The following PLA2G7 variants were observed in gnomAD, a reference collection of about 807,000 sequenced individuals.
PLA2G7 encodes the protein phospholipase A2 group VII, also known as platelet-activating factor acetylhydrolase.
PLA2G7 carries 63 observed loss-of-function variants against 49.6 expected under a neutral mutation model. The ratio of observed to expected loss-of-function variants is 1.27; its 90% CI spans 1.04 to 1.57. PLA2G7 has a LOEUF of 1.57. Among genes scored for constraint, PLA2G7 ranks in the 40% most tolerant of loss-of-function variants. The pLI, the probability that PLA2G7 is intolerant of heterozygous loss-of-function variation, is 0.00. For missense variants in PLA2G7, 596 were observed against 521.2 expected (o/e 1.14, Z -1.40); for synonymous variants, 193 against 169.9 (o/e 1.14, Z -1.06).
At chr6:46,717,959 G>A (rs907282266) in intron 2 of PLA2G7, among the ~76,000 whole-genome samples, 5 of 151,976 alleles carry the variant, frequency 3.3e-5, no homozygotes, top group Admixed American at 1.3e-4. Flanking sequence ...CTCGTGATCC[G>A]CCCACCTCAG....
chr6:46,721,582 G>A (rs1765403876), intron 2 of PLA2G7, among the ~76,000 whole-genome samples: 1 of 150,294 alleles, frequency 6.7e-6, no homozygotes, highest in African/African-American at 2.5e-5. Context: ...GATATTACCT[G>A]TTCTCAATCC....
intron 2 of PLA2G7, among the ~76,000 whole-genome samples, chr6:46,717,819 C>A (rs1273623300): frequency 1.3e-5 from 2 of 148,696 alleles, no homozygotes; most frequent in Non-Finnish European, 3.0e-5. Flanking sequence ...TCAAGTGATT[C>A]TCCTGCCTCA....
upstream of PLA2G7, chr6:46,735,378 C>T (rs1765895985): frequency 6.6e-6 from 1 of 152,628 alleles, no homozygotes; most frequent in African/African-American, 2.4e-5. Context: ...CGGGCTGTGT[C>T]CTGGGTCCGC....
intron 8 of PLA2G7, among the ~76,000 whole-genome samples, chr6:46,709,692 A>G (rs1274749066): frequency 6.6e-6 from 1 of 152,224 alleles, no homozygotes; most frequent in Non-Finnish European, 1.5e-5. Context: ...TGGAAACTTC[A>G]ACATCAGTTC....
In PLA2G7 at chr6:46,704,362, T is replaced by A. The variant is rs1764710637; in HGVS notation, c.*198A>T. The A allele has an allele frequency of 1.7e-6, 1 of 571,808 alleles. No individual in the cohort carries two copies. Among genetic ancestry groups the A allele is most frequent in the Non-Finnish European group, 3.1e-6 (1 of 320,802 alleles). The allele number at this position is 571,808 out of a possible 1,614,324, so 35.4% of individuals were successfully genotyped here. On this transcript the variant is annotated 3_prime_UTR_variant, in exon 12 of 12. Coordinates refer to ENST00000274793, the MANE Select transcript of PLA2G7 (RefSeq NM_005084.4). ...TTTCTTTACATCTAAAGGGAAAAAATTCTTAGTCCAAGCTTCAATCACGAT... is the reference window on the plus strand; with the variant it reads ...TTTCTTTACATCTAAAGGGAAAAAAATCTTAGTCCAAGCTTCAATCACGAT...
At chr6:46,717,333 C>T (rs1221713106) in intron 2 of PLA2G7, among the ~76,000 whole-genome samples, 2 of 152,166 alleles carry the variant, frequency 1.3e-5, no homozygotes, top group East Asian at 3.9e-4. Context: ...CTGCCTTGGA[C>T]TGTTACCTCC....
rs1208003670 is a variant in PLA2G7, at chr6:46,711,462, G to C, written c.663+34C>G. 6 of 1,611,466 alleles carry C rather than the reference G, an allele frequency of 3.7e-6. No individual in the cohort carries two copies. In the African/African-American group the frequency reaches 6.7e-5, roughly 18 times the overall value. On this transcript the variant is annotated intron_variant, in intron 7 of 11. Coordinates refer to ENST00000274793, the MANE Select transcript of PLA2G7 (RefSeq NM_005084.4). ...GTCATCCTTTTGTACATGCTTTTAG[G>C]TCACCAACCACCTCTCCTTTCACTG...
intron 1 of PLA2G7, among the ~76,000 whole-genome samples, chr6:46,733,132 T>C (rs1765786159): frequency 6.6e-6 from 1 of 152,182 alleles, no homozygotes; most frequent in Non-Finnish European, 1.5e-5. Context: ...GCTGCTCAGG[T>C]ACCCAGTTAG....
intron 3 of PLA2G7, 60 bp downstream of exon 3, chr6:46,716,915 G>A: frequency 6.5e-7 from 1 of 1,538,110 alleles, no homozygotes; most frequent in Non-Finnish European, 9.0e-7. Context: ...ACCTTCTAGT[G>A]GTCCATAGCG....
intron 2 of PLA2G7, among the ~76,000 whole-genome samples, chr6:46,720,992 A>G (rs2216463): frequency 0.71 from 108,677 of 152,088 alleles, 39,185 homozygotes; most frequent in Admixed American, 0.78. Context: ...TATTATTTTA[A>G]TCTTATTTAA....
chr6:46,734,415 TGAGAGAGAGAGAGAGA>T (rs70996386), intron 1 of PLA2G7, among the ~76,000 whole-genome samples: 1,040 of 54,200 alleles, frequency 0.019, 146 homozygotes, highest in South Asian at 0.047. Context: ...TGTGTGTGTG[TGAGAGAGAGAGAGAGA>T]GAGAGAGAGA....
chr6:46,723,724 T>C (rs1765478552), intron 1 of PLA2G7, among the ~76,000 whole-genome samples: 1 of 152,130 alleles, frequency 6.6e-6, no homozygotes. Flanking sequence ...TGCCATCACC[T>C]CTAACGAGTC....
intron 3 of PLA2G7, 30 bp downstream of exon 3, chr6:46,716,945 C>T: frequency 6.2e-7 from 1 of 1,605,440 alleles, no homozygotes; most frequent in South Asian, 1.1e-5. Flanking sequence ...ATTAGAGTAT[C>T]AGGATAAGTT....
chr6:46,722,499 G>A (rs1447632520), intron 2 of PLA2G7, among the ~76,000 whole-genome samples: 1 of 152,162 alleles, frequency 6.6e-6, no homozygotes, highest in Non-Finnish European at 1.5e-5. Flanking sequence ...GTGGCATTAA[G>A]GAGGTTCTCC....
intron 1 of PLA2G7, among the ~76,000 whole-genome samples, chr6:46,733,830 T>C (rs2150717285): frequency 6.6e-6 from 1 of 152,296 alleles, no homozygotes; most frequent in South Asian, 2.1e-4. Flanking sequence ...CTCTTGGGAT[T>C]GCCAACACCT....
rs371692865 is a variant in PLA2G7, at chr6:46,734,401, G to GGTGTGTGTGT, written c.-35+769_-35+778dup. Among the ~76,000 whole-genome samples, 159 of 75,386 alleles carry GGTGTGTGTGT rather than the reference G, an allele frequency of 2.1e-3. 8 individuals are homozygous for GGTGTGTGTGT. The highest frequency in any genetic ancestry group is 3.6e-3 in the African/African-American group (39 of 10,784). 49.5% of individuals were successfully genotyped at this position (75,386 alleles called of 152,430 possible). A position where few individuals can be genotyped will look rare whatever the true frequency, so the allele number is the denominator to read the frequency against. ...GGAGGCAGAGTGAGAGGTGTGTAGT[G>GGTGTGTGTGT]GTGTGTGTGTGTGTGAGAGAGAGAG... On this transcript the variant is annotated intron_variant, in intron 1 of 11. Transcript: ENST00000274793.
chr6:46,725,952 C>A lies in PLA2G7; in HGVS notation c.-34-3027G>T, dbSNP rs536490261. Among the ~76,000 whole-genome samples, 6 of 152,276 alleles carry A rather than the reference C, an allele frequency of 3.9e-5. No homozygotes were observed. The East Asian group carries it at 1.2e-3, about 29-fold the overall frequency. On this transcript the variant is annotated intron_variant, in intron 1 of 11. Coordinates refer to ENST00000274793, the MANE Select transcript of PLA2G7 (RefSeq NM_005084.4). ...CCTTCAGAATGAAGACCCAAAGATA[C>A]AGGGGAAACTGTCTATTTTTATGCA...
chr6:46,717,709 C>CTTTTTTTTTTTTTTTTTTTTTT lies in PLA2G7; in HGVS notation c.110-614_110-613insAAAAAAAAAAAAAAAAAAAAAA, dbSNP rs760308042. The stretch of plus-strand genomic sequence containing the variant: ...GGAGCCTCTATTTTCTTTCTTTTTT[C>CTTTTTTTTTTTTTTTTTTTTTT]TTTTTCTTTTTTTTTTTTTTTGAGA... On this transcript the variant is annotated intron_variant, in intron 2 of 11. Coordinates refer to ENST00000274793, the MANE Select transcript of PLA2G7 (RefSeq NM_005084.4). Among the ~76,000 whole-genome samples, 2 of 116,206 alleles carry CTTTTTTTTTTTTTTTTTTTTTT rather than the reference C, an allele frequency of 1.7e-5. 1 individual carries two copies. 76.2% of individuals were successfully genotyped at this position (116,206 alleles called of 152,430 possible). A position where few individuals can be genotyped will look rare whatever the true frequency, so the allele number is the denominator to read the frequency against.
At chr6:46,720,285 C>T (rs1043806217) in intron 2 of PLA2G7, among the ~76,000 whole-genome samples, 6 of 152,220 alleles carry the variant, frequency 3.9e-5, no homozygotes, top group South Asian at 2.1e-4. Context: ...CACAAGCCTC[C>T]GCTTGTGAGA....
Sources: gnomAD v4.1 joint callset for allele counts (sites outside exome capture counted in the v4.1 genomes callset) on GRCh38, gnomAD v4.1.1 for gene constraint, MANE v1.5 for transcripts, NCBI Gene and HGNC (gene_info 2026-07-23, HGNC 2026-07-21) for gene names.